FOXP1: variants seen among roughly 807,000 people sequenced by gnomAD.
FOXP1 encodes the protein forkhead box protein P1.
In FOXP1, 15 loss-of-function variants were observed where a neutral mutation model predicts 98.2. That is an observed-to-expected ratio of 0.15 (90% confidence interval 0.10 to 0.24). FOXP1 has a LOEUF of 0.24. FOXP1 is among the 10% of genes least tolerant of loss of function. The pLI is 1.00. For missense variants in FOXP1, 633 were observed against 848.5 expected, an observed-to-expected ratio of 0.75 and a Z score of 3.15; for synonymous variants, 371 against 314.5, an observed-to-expected ratio of 1.18 and a Z score of -1.90.
At chr3:71,232,434 C>G (rs1196244612) in intron 5 of FOXP1, among the ~76,000 whole-genome samples, 1 of 152,300 alleles carries the variant, frequency 6.6e-6, no homozygotes, top group South Asian at 2.1e-4. Context: ...CATCTGCTAG[C>G]TGTCACTCTA....
intron 3 of FOXP1, among the ~76,000 whole-genome samples, chr3:71,391,922 G>A (rs919422878): frequency 2.0e-5 from 3 of 152,132 alleles, no homozygotes; most frequent in Non-Finnish European, 4.4e-5. Flanking sequence ...TCGTTCAGGG[G>A]TACAGGGTAA....
At chr3:71,183,937 G>A (rs1576266964) in intron 6 of FOXP1, among the ~76,000 whole-genome samples, 2 of 152,312 alleles carry the variant, frequency 1.3e-5, no homozygotes, top group South Asian at 4.1e-4. Flanking sequence ...AAGATCACCT[G>A]AGGTTGGGAC....
At chr3:71,157,032 A>C (rs1380895476) in intron 6 of FOXP1, among the ~76,000 whole-genome samples, 1 of 152,250 alleles carries the variant, frequency 6.6e-6, no homozygotes, top group African/African-American at 2.4e-5. Flanking sequence ...CAGAGGGTAC[A>C]GGAAAAGCAC....
chr3:71,335,923 C>T (rs923964537), intron 4 of FOXP1, among the ~76,000 whole-genome samples: 3 of 137,656 alleles, frequency 2.2e-5, no homozygotes, highest in African/African-American at 8.2e-5. Context: ...GAGACTCAGG[C>T]GGGGGTGGAG....
chr3:71,312,011 T>C (rs1203176664), intron 4 of FOXP1, among the ~76,000 whole-genome samples: 3 of 152,146 alleles, frequency 2.0e-5, no homozygotes, highest in African/African-American at 7.2e-5. Flanking sequence ...CTACGTAATT[T>C]AAAACCAGGC....
chr3:70,981,308 G>C (rs11712521), intron 14 of FOXP1, among the ~76,000 whole-genome samples: 1 of 151,308 alleles, frequency 6.6e-6, no homozygotes, highest in Non-Finnish European at 1.5e-5. Flanking sequence ...TTGAACATTA[G>C]CAAGTGGGAA....
intron 7 of FOXP1, among the ~76,000 whole-genome samples, chr3:71,061,662 C>T (rs891812975): frequency 6.6e-6 from 1 of 152,192 alleles, no homozygotes; most frequent in Non-Finnish European, 1.5e-5. Flanking sequence ...ACTGTTGCTA[C>T]ATTATCCCTT....
At chr3:71,202,466 A>G (rs894302641) in intron 5 of FOXP1, among the ~76,000 whole-genome samples, 1 of 152,222 alleles carries the variant, frequency 6.6e-6, no homozygotes, top group African/African-American at 2.4e-5. Context: ...AAGTCATTTA[A>G]TAAGCCTTTA....
At chr3:71,045,058 A>T (rs1027040720) in intron 10 of FOXP1, among the ~76,000 whole-genome samples, 2 of 152,190 alleles carry the variant, frequency 1.3e-5, no homozygotes, top group Admixed American at 1.3e-4. Context: ...ATTCAGAGAG[A>T]TGGAAATAAC....
intron 13 of FOXP1, among the ~76,000 whole-genome samples, chr3:70,990,627 G>A (rs1462787340): frequency 6.6e-6 from 1 of 152,170 alleles, no homozygotes; most frequent in East Asian, 1.9e-4. Flanking sequence ...CTAAAATTTG[G>A]TTGGCAAATT....
chr3:71,583,862 G>A (rs1435776575), upstream of FOXP1: 10 of 983,636 alleles, frequency 1.0e-5, no homozygotes, highest in African/African-American at 1.6e-4. Context: ...GGCGCACCCC[G>A]GCCCGACCCT....
At chr3:70,981,080 G>A (rs1575837370) in intron 14 of FOXP1, among the ~76,000 whole-genome samples, 1 of 148,796 alleles carries the variant, frequency 6.7e-6, no homozygotes, top group South Asian at 2.2e-4. Flanking sequence ...CTTTTTGGGT[G>A]TTCACAGCTA....
intron 3 of FOXP1, among the ~76,000 whole-genome samples, chr3:71,483,160 A>G (rs2090412315): frequency 6.6e-6 from 1 of 152,040 alleles, no homozygotes; most frequent in Non-Finnish European, 1.5e-5. Flanking sequence ...TTCAAAGTCT[A>G]CTTTTCTTCT....
intron 3 of FOXP1, among the ~76,000 whole-genome samples, chr3:71,382,507 G>A (rs566874863): frequency 6.6e-6 from 1 of 152,086 alleles, no homozygotes; most frequent in Non-Finnish European, 1.5e-5. Flanking sequence ...GGTGGTATGT[G>A]GCAGAAACAA....
intron 6 of FOXP1, among the ~76,000 whole-genome samples, chr3:71,115,312 TA>T (rs879709482): frequency 0.015 from 1,901 of 125,780 alleles, 29 homozygotes; most frequent in Non-Finnish European, 0.022. Context: ...TTATTATTAT[TA>T]TTATTTTATT....
chr3:71,415,704 T>C (rs2108298175), intron 3 of FOXP1, among the ~76,000 whole-genome samples: 1 of 145,312 alleles, frequency 6.9e-6, no homozygotes, highest in African/African-American at 2.5e-5. Context: ...TAGTTGCTCT[T>C]TTTTTTTTTT....
At chr3:71,420,556 T>C (rs2108324411) in intron 3 of FOXP1, among the ~76,000 whole-genome samples, 1 of 152,266 alleles carries the variant, frequency 6.6e-6, no homozygotes, top group Non-Finnish European at 1.5e-5. Context: ...TACACGCACC[T>C]ATAAACATAT....
intron 13 of FOXP1, among the ~76,000 whole-genome samples, chr3:70,995,063 TTTCCCCTTTTCCCCAAACGGAA>T (rs2041175112): frequency 6.6e-6 from 1 of 152,066 alleles, no homozygotes; most frequent in African/African-American, 2.4e-5. Context: ...AATCAGATGG[TTTCCCCTTTTCCCCAAACGGAA>T]TTAAAATCCA....
intron 6 of FOXP1, among the ~76,000 whole-genome samples, chr3:71,151,238 G>A (rs114016408): frequency 0.013 from 2,024 of 152,270 alleles, 50 homozygotes; most frequent in African/African-American, 0.046. Context: ...CAAGGTACAC[G>A]TCATGAGTGG....
Sources: allele counts gnomAD v4.1 joint callset (sites outside exome capture counted in the v4.1 genomes callset), GRCh38; gene constraint gnomAD v4.1.1; transcripts MANE v1.5; gene names NCBI Gene and HGNC (gene_info 2026-07-23, HGNC 2026-07-21).